The following COL5A1 variants were observed in gnomAD, a reference collection of about 807,000 sequenced individuals.
COL5A1 encodes collagen type V alpha 1 chain, also known as collagen alpha-1(V) chain.
A neutral mutation model predicts 263.7 loss-of-function variants in COL5A1; 16 were observed. The ratio of observed to expected loss-of-function variants is 0.06; its 90% CI spans 0.04 to 0.09. The LOEUF is 0.09. Ranked by LOEUF, COL5A1 falls within the 10% of genes least tolerant of loss-of-function variation. The probability of loss-of-function intolerance (pLI) is 1.00; values close to 1 mark genes in which losing one functional copy is unlikely to be tolerated. For missense variants in COL5A1, 2,036 were observed against 2,540.5 expected, an observed-to-expected ratio of 0.80 and a Z score of 4.27; for synonymous variants, 1,012 against 1,004.5, an observed-to-expected ratio of 1.01 and a Z score of -0.14.
In COL5A1 at chr9:134,758,095, G is replaced by A; in HGVS notation, c.1882-148G>A. 1.3e-6 allele frequency: 1 copy of A among 756,148 alleles called. No individual in the cohort carries two copies. Among genetic ancestry groups the A allele is most frequent in the South Asian group, 1.4e-5 (1 of 69,574 alleles). 46.8% of individuals were successfully genotyped at this position (756,148 alleles called of 1,614,324 possible). A position where few individuals can be genotyped will look rare whatever the true frequency, so the allele number is the denominator to read the frequency against. On this transcript the variant is annotated intron_variant, in intron 17 of 65. Transcript: ENST00000371817. The surrounding 1 kb of genome is among the most constrained non-coding windows in gnomAD (Gnocchi z 4.1). The stretch of plus-strand genomic sequence containing the variant: ...GTAGATGCAAAGTGGGGGCCTATGG[G>A]GAGAGGGCTGGCCGATGGGGTTCAG...
chr9:134,704,861 T>C (rs1309848404), intron 4 of COL5A1, among the ~76,000 whole-genome samples: 1 of 152,090 alleles, frequency 6.6e-6, no homozygotes, highest in East Asian at 1.9e-4. Flanking sequence ...CCCAGCCACC[T>C]TTTGTCTCAT....
At chr9:134,773,440 C>T (rs1018709700) in intron 26 of COL5A1, among the ~76,000 whole-genome samples, 1 of 152,184 alleles carries the variant, frequency 6.6e-6, no homozygotes, top group Non-Finnish European at 1.5e-5. Flanking sequence ...GGGGACTGCT[C>T]TTGCTGTCCT....
At chr9:134,792,871 GTT>G (rs1432118611) in intron 32 of COL5A1, among the ~76,000 whole-genome samples, 1 of 32,510 alleles carries the variant, frequency 3.1e-5, no homozygotes, top group Non-Finnish European at 7.9e-5. Flanking sequence ...GTGTGCGCGC[GTT>G]TGTGCACACG....
Position 134,758,833 on chromosome 9 carries a change from C to T in COL5A1, c.1935+537C>T, listed in dbSNP as rs1203415535. On this transcript the variant is annotated intron_variant, in intron 18 of 65. Transcript: ENST00000371817. This position sits in a 1 kb window ranked among gnomAD's most constrained non-coding sequence, Gnocchi z 4.1. ...CGTGAGTCCCGAGCTAGTGCGGTGACCTGGGGGTCTTCCTGGCTGCGCCGT... is the reference window on the plus strand; with the variant it reads ...CGTGAGTCCCGAGCTAGTGCGGTGATCTGGGGGTCTTCCTGGCTGCGCCGT... Among the ~76,000 whole-genome samples, 1 of 152,102 alleles carries T rather than the reference C, an allele frequency of 6.6e-6. No individual in the cohort carries two copies. Among genetic ancestry groups the T allele is most frequent in the East Asian group, 1.9e-4 (1 of 5,198 alleles).
intron 1 of COL5A1, among the ~76,000 whole-genome samples, chr9:134,687,748 A>T (rs1315775343): frequency 6.6e-6 from 1 of 152,120 alleles, no homozygotes; most frequent in African/African-American, 2.4e-5. Context: ...GTCCTCTGGG[A>T]ACTGCTGGTG....
Position 134,647,465 on chromosome 9 carries a change from G to C in COL5A1, c.109+5169G>C, listed in dbSNP as rs755917571. On this transcript the variant is annotated intron_variant, in intron 1 of 65. Coordinates refer to ENST00000371817, the MANE Select transcript of COL5A1 (RefSeq NM_000093.5). This position sits in a 1 kb window ranked among gnomAD's most constrained non-coding sequence, Gnocchi z 5.0. ...TCTGCCTGCACACATGTGTTTGTGG[G>C]TATACATGTGTGTTTGAGTGTGCAC... Among the ~76,000 whole-genome samples the C allele has an allele frequency of 6.6e-6, 1 of 152,198 alleles. No homozygotes were observed. The highest frequency in any genetic ancestry group is 1.5e-5 in the Non-Finnish European group (1 of 68,046).
intron 32 of COL5A1, among the ~76,000 whole-genome samples, chr9:134,793,390 G>A (rs1218921873): frequency 1.3e-5 from 2 of 151,676 alleles, no homozygotes; most frequent in African/African-American, 4.9e-5. Context: ...AGGCTGGGGG[G>A]GGCATTCTGT....
At chr9:134,699,838 G>T in intron 2 of COL5A1, 71 bp from the exon 3 acceptor site, 1 of 1,484,794 alleles carries the variant, frequency 6.7e-7, no homozygotes, top group South Asian at 1.1e-5. Flanking sequence ...TGGCTTGTTT[G>T]CAGAGAGCCA....
rs1317918652 is a variant in COL5A1, at chr9:134,813,936, C to G, written c.3853-47C>G. The G allele has an allele frequency of 5.2e-6, 8 of 1,538,776 alleles. No individual in the cohort carries two copies. In the South Asian group the frequency reaches 9.6e-5, roughly 18 times the overall value. On this transcript the variant is annotated intron_variant, in intron 48 of 65. Coordinates refer to ENST00000371817, the MANE Select transcript of COL5A1 (RefSeq NM_000093.5). ...ATGCTTGAAACCGTAGCACTGCGTT[C>G]ATCGCGGTGCTCACCGCTGCCATAA...
intron 11 of COL5A1, 125 bp downstream of exon 11, chr9:134,738,933 C>T: frequency 1.3e-6 from 1 of 777,082 alleles, no homozygotes; most frequent in Non-Finnish European, 2.2e-6. Flanking sequence ...TCTTCAAATC[C>T]CCCCTCACCC....
At position 134,782,690 on chromosome 9, in the gene COL5A1, T is replaced by G; in HGVS notation, c.2454T>G (p.Phe818Leu). The change falls in exon 29 of 66, where the codon TTT (phenylalanine) becomes TTG (leucine). Residue 818 changes from phenylalanine (F) to leucine (L), a missense_variant. Physicochemically the swap from Phe to Leu is conservative, Grantham distance 22. Coordinates refer to ENST00000371817, the MANE Select transcript of COL5A1 (RefSeq NM_000093.5). ...AGGGTGAAGACGGCTTTCCTGGGTT[T>G]AAAGGAGACATGGGCATCAAGGGTG... is the stretch of plus-strand genomic sequence containing the variant. ...GEKGEDGFPG[F>L]KGDMGIKGDR... 1 of 1,613,716 alleles carries G rather than the reference T, an allele frequency of 6.2e-7. No homozygotes were observed. The highest frequency in any genetic ancestry group is 8.5e-7 in the Non-Finnish European group (1 of 1,179,962).
At chr9:134,649,995 C>G (rs192543794) in intron 1 of COL5A1, among the ~76,000 whole-genome samples, 2 of 135,428 alleles carry the variant, frequency 1.5e-5, no homozygotes, top group Non-Finnish European at 3.0e-5. Context: ...TGAGAACACA[C>G]GGACACAGGG....
At chr9:134,734,874 T>C (rs1835042007) in intron 9 of COL5A1, among the ~76,000 whole-genome samples, 1 of 152,214 alleles carries the variant, frequency 6.6e-6, no homozygotes, top group Non-Finnish European at 1.5e-5. Context: ...GAGATTGTCT[T>C]GAGTTCTGCC....
chr9:134,804,980 C>T lies in COL5A1; in HGVS notation c.3120C>T (p.Asp1040=), dbSNP rs1216403908. ...GLAGKEGTKG[D]PGPAGLPGKD... is the part of the protein sequence containing the mutation. ...ATCTCTGACTCTGTTTTCAGGGTGA[C>T]CCAGGCCCTGCAGGCCTCCCTGGGA... Residue 1040 remains aspartate, a synonymous_variant, in exon 40 of 66, where the codon GAC becomes GAT. Coordinates refer to ENST00000371817, the MANE Select transcript of COL5A1 (RefSeq NM_000093.5). 3.7e-6 allele frequency: 6 copies of T among 1,613,158 alleles called. No individual in the cohort carries two copies. Among genetic ancestry groups the T allele is most frequent in the East Asian group, 2.2e-5 (1 of 44,882 alleles).
chr9:134,806,984 CAAG>C (rs1263621144), intron 42 of COL5A1, among the ~76,000 whole-genome samples: 2 of 152,158 alleles, frequency 1.3e-5, no homozygotes, highest in East Asian at 1.9e-4. Flanking sequence ...TCTTGGTCTC[CAAG>C]AAGGAGATGA....
At position 134,796,361 on chromosome 9, in the gene COL5A1, C is replaced by T. The variant is rs1837909818; in HGVS notation, c.2800-13C>T. On this transcript the variant is annotated splice_polypyrimidine_tract_variant and intron_variant, in intron 34 of 65. Transcript: ENST00000371817. ...CAATCATAAGCTTTTCCCCCCTCTC[C>T]TTCCCTCTCAAGGGCAACTCCGGAG... 1.9e-6 allele frequency: 3 copies of T among 1,613,966 alleles called. No homozygotes were observed. The highest frequency in any genetic ancestry group is 2.5e-6 in the Non-Finnish European group (3 of 1,179,828).
At chr9:134,693,734 T>C (rs950203698) in intron 2 of COL5A1, among the ~76,000 whole-genome samples, 1 of 152,208 alleles carries the variant, frequency 6.6e-6, no homozygotes, top group Non-Finnish European at 1.5e-5. Flanking sequence ...CCTCTGTTGC[T>C]CGGACTCTGT....
chr9:134,756,971 G>A (rs1836000139), intron 17 of COL5A1, among the ~76,000 whole-genome samples, 153 bp downstream of exon 17: 1 of 152,128 alleles, frequency 6.6e-6, no homozygotes, highest in Non-Finnish European at 1.5e-5. Flanking sequence ...AGGGTTGGTG[G>A]GTGAATTTCG....
Position 134,843,147 on chromosome 9 carries a change from G to C in COL5A1, c.*844G>C, listed in dbSNP as rs554015024. On this transcript the variant is annotated 3_prime_UTR_variant, in exon 66 of 66. Transcript: ENST00000371817. ...CCCCTTTTCAGACAGTTTTTGATTC[G>C]CTCTAGACTTTTTTTTTTTTTAATA... is the stretch of plus-strand genomic sequence containing the variant. 7.4e-6 allele frequency: 1 copy of C among 134,904 alleles called. No individual in the cohort carries two copies. The allele number at this position is 134,904 out of a possible 1,614,324, so 8.4% of individuals were successfully genotyped here.
Sources: gnomAD v4.1 joint callset for allele counts (sites outside exome capture counted in the v4.1 genomes callset) on GRCh38, gnomAD v4.1.1 for gene constraint, Gnocchi (gnomAD v3.1) non-coding constraint, MANE v1.5 for transcripts, NCBI Gene and HGNC (gene_info 2026-07-23, HGNC 2026-07-21) for gene names.